ANKFN1: variants seen among roughly 807,000 people sequenced by gnomAD.
ANKFN1 encodes ankyrin repeat and fibronectin type III domain containing 1, also known as ankyrin repeat and fibronectin type-III domain-containing protein 1.
ANKFN1 carries 74 observed loss-of-function variants against 108.7 expected under a neutral mutation model. The observed-to-expected ratio is 0.68, with a 90% CI of 0.56 to 0.83. The LOEUF (loss-of-function observed/expected upper bound fraction) is 0.83, where lower values mean the gene tolerates loss of function less well. Among genes scored for constraint, ANKFN1 ranks in the 40% least tolerant of loss-of-function variants. The pLI, the probability that ANKFN1 is intolerant of heterozygous loss-of-function variation, is 0.00. For missense variants in ANKFN1, 1,505 were observed against 1,382.3 expected, an observed-to-expected ratio of 1.09 and a Z score of -1.41; for synonymous variants, 547 against 516.2, an observed-to-expected ratio of 1.06 and a Z score of -0.81.
In ANKFN1 at chr17:56,510,858, C is replaced by T; in HGVS notation, c.3030C>T (p.Gly1010=). The T allele has an allele frequency of 1.3e-6, 2 of 1,536,112 alleles. No homozygotes were observed. Among genetic ancestry groups the T allele is most frequent in the Middle Eastern group, 1.7e-4 (1 of 5,990 alleles). ...CAGGCAAGCACCCCCACTATGGCGG[C>T]TTCAGCCGCCATCATCGCTGGTTGC... ...RKPGKHPHYG[G]FSRHHRWLRI... is the part of the protein sequence containing the mutation. The change falls in exon 21 of 21, where the codon GGC becomes GGT. Residue 1010 remains glycine (G), a synonymous_variant. Coordinates refer to ENST00000682825, the MANE Select transcript of ANKFN1 (RefSeq NM_001370326.1).
At chr17:56,118,434 A>C (rs1478627616) in intron 4 of ANKFN1, among the ~76,000 whole-genome samples, 2 of 152,196 alleles carry the variant, frequency 1.3e-5, no homozygotes, top group South Asian at 4.1e-4. Flanking sequence ...GCATATAAAT[A>C]TCTGTCATAA....
intron 11 of ANKFN1, among the ~76,000 whole-genome samples, chr17:56,450,159 A>T (rs2049436042): frequency 6.6e-6 from 1 of 152,160 alleles, no homozygotes; most frequent in Non-Finnish European, 1.5e-5. Context: ...ATTGTGGAGG[A>T]TCTCTTGAGC....
At chr17:56,298,653 G>GT (rs1398328982) in intron 3 of ANKFN1, among the ~76,000 whole-genome samples, 1 of 151,698 alleles carries the variant, frequency 6.6e-6, no homozygotes, top group Non-Finnish European at 1.5e-5. Context: ...GCAAATAGTT[G>GT]TTTTTTCCTT....
intron 10 of ANKFN1, among the ~76,000 whole-genome samples, chr17:56,444,836 C>A (rs1049040373): frequency 3.3e-5 from 5 of 152,154 alleles, no homozygotes; most frequent in Non-Finnish European, 7.4e-5. Flanking sequence ...GGACTCTAGC[C>A]TGAATTGGTC....
chr17:56,267,753 G>A (rs1265406810), intron 3 of ANKFN1, among the ~76,000 whole-genome samples: 6 of 152,142 alleles, frequency 3.9e-5, no homozygotes, highest in Non-Finnish European at 8.8e-5. Flanking sequence ...ATTGGTCTAT[G>A]TGTCTGTTTT....
intron 1 of ANKFN1, among the ~76,000 whole-genome samples, chr17:56,167,316 C>CATATATATAT (rs1469508922): frequency 2.2e-4 from 17 of 75,748 alleles, no homozygotes; most frequent in African/African-American, 5.8e-4. Context: ...CACACACACA[C>CATATATATAT]ACATATATAT....
chr17:56,442,244 C>T (rs1356038368), intron 9 of ANKFN1, among the ~76,000 whole-genome samples: 1 of 152,134 alleles, frequency 6.6e-6, no homozygotes, highest in Non-Finnish European at 1.5e-5. Context: ...TTTATTGTAG[C>T]ACAAAATGTG....
At chr17:56,121,667 G>A (rs945343209) in intron 4 of ANKFN1, among the ~76,000 whole-genome samples, 1 of 152,106 alleles carries the variant, frequency 6.6e-6, no homozygotes. Context: ...AATATTCAGG[G>A]TTGGTAGGTT....
At chr17:56,429,895 G>A (rs2048697131) in intron 8 of ANKFN1, among the ~76,000 whole-genome samples, 1 of 152,308 alleles carries the variant, frequency 6.6e-6, no homozygotes, top group East Asian at 1.9e-4. Flanking sequence ...TGTTGTGCTG[G>A]TAGAGTTGAA....
At chr17:56,376,484 C>T (rs564047868) in intron 8 of ANKFN1, among the ~76,000 whole-genome samples, 4 of 152,302 alleles carry the variant, frequency 2.6e-5, no homozygotes, top group African/African-American at 9.6e-5. Context: ...TCAGAGCAAG[C>T]ATTTCTGGGC....
At chr17:56,056,766 A>G (rs993631764) in intron 4 of ANKFN1, among the ~76,000 whole-genome samples, 3 of 152,282 alleles carry the variant, frequency 2.0e-5, no homozygotes, top group Admixed American at 6.5e-5. Flanking sequence ...TGCCTAGGCA[A>G]AGAATTTATG....
At chr17:56,189,445 C>T (rs1007681477) in intron 1 of ANKFN1, among the ~76,000 whole-genome samples, 5 of 152,056 alleles carry the variant, frequency 3.3e-5, no homozygotes, top group Non-Finnish European at 5.9e-5. Flanking sequence ...GCTGGGATTA[C>T]AGGCGTGAGC....
At chr17:56,430,184 CA>C (rs1167003675) in intron 8 of ANKFN1, among the ~76,000 whole-genome samples, 2 of 152,160 alleles carry the variant, frequency 1.3e-5, no homozygotes, top group Non-Finnish European at 2.9e-5. Flanking sequence ...CATAACCCTA[CA>C]ACCTAGCTGA....
At position 56,511,076 on chromosome 17, in the gene ANKFN1, C is replaced by G. The variant is rs2051745566; in HGVS notation, c.3248C>G (p.Ala1083Gly). The G allele has an allele frequency of 6.5e-7, 1 of 1,535,872 alleles. No individual in the cohort carries two copies. Among genetic ancestry groups the G allele is most frequent in the African/African-American group, 1.4e-5 (1 of 73,050 alleles). Reference sequence around the variant, plus strand: ...GAGCGGAACAGCAGTCTCCAGGACGCGAGGCCTTCCGTCCGCCGCCTCTAC... The same window carrying G: ...GAGCGGAACAGCAGTCTCCAGGACGGGAGGCCTTCCGTCCGCCGCCTCTAC... ...PEERNSSLQD[A>G]RPSVRRLYVE... The change falls in exon 21 of 21, where the codon GCG becomes GGG. Residue 1083 changes from alanine to glycine, a missense_variant. Coordinates refer to ENST00000682825, the MANE Select transcript of ANKFN1 (RefSeq NM_001370326.1).
intron 4 of ANKFN1, among the ~76,000 whole-genome samples, chr17:56,141,915 A>G (rs1425490855): frequency 6.3e-5 from 9 of 142,346 alleles, no homozygotes; most frequent in Non-Finnish European, 1.4e-4. Context: ...TTTCATAACG[A>G]TGGTGTACTT....
rs1043141754 is a variant in ANKFN1 at position 56,386,432 on chromosome 17, T to G, written c.910+11718T>G. 2.8e-4 allele frequency among the ~76,000 whole-genome samples: 42 copies of G among 151,696 alleles called. 1 individual carries two copies. The highest frequency in any genetic ancestry group is 1.5e-4 in the Non-Finnish European group (10 of 67,920). On this transcript the variant is annotated intron_variant, in intron 8 of 20. Transcript: ENST00000682825. ...CACATGTATACATATGTAACTAACCTGCACATTGTGCACATGTACCCTAAA... is the reference window on the plus strand; with the variant it reads ...CACATGTATACATATGTAACTAACCGGCACATTGTGCACATGTACCCTAAA...
At chr17:56,217,426 T>C (rs974873507) in intron 2 of ANKFN1, among the ~76,000 whole-genome samples, 1 of 152,242 alleles carries the variant, frequency 6.6e-6, no homozygotes, top group African/African-American at 2.4e-5. Context: ...CGCATTGTGT[T>C]GAACAGAATG....
intron 19 of ANKFN1, among the ~76,000 whole-genome samples, chr17:56,492,766 A>G (rs1360531596): frequency 6.6e-6 from 1 of 152,170 alleles, no homozygotes; most frequent in Non-Finnish European, 1.5e-5. Flanking sequence ...ATGTTAACCC[A>G]GATCCAATTA....
intron 4 of ANKFN1, among the ~76,000 whole-genome samples, chr17:56,142,719 C>T (rs957862486): frequency 2.0e-5 from 3 of 152,174 alleles, no homozygotes; most frequent in African/African-American, 4.8e-5. Context: ...AGCAGCAGCA[C>T]CTGTGTTTTA....
Sources: gnomAD v4.1 joint callset for allele counts (sites outside exome capture counted in the v4.1 genomes callset) on GRCh38, gnomAD v4.1.1 for gene constraint, MANE v1.5 for transcripts, NCBI Gene and HGNC (gene_info 2026-07-23, HGNC 2026-07-21) for gene names.